Variants in SH3RF3 observed in about 807,000 individuals in gnomAD.
SH3RF3 encodes the protein E3 ubiquitin-protein ligase SH3RF3.
Under a neutral mutation model 66.3 loss-of-function variants are expected in SH3RF3, and 29 were observed. The observed-to-expected ratio is 0.44, with a 90% CI of 0.33 to 0.60. SH3RF3 has a LOEUF of 0.60. SH3RF3 is among the 20% of genes least tolerant of loss of function. The probability of loss-of-function intolerance (pLI) is 0.04; values close to 1 mark genes in which losing one functional copy is unlikely to be tolerated. For missense variants in SH3RF3, 1,194 were observed against 1,190.9 expected, an observed-to-expected ratio of 1.00 and a Z score of -0.04; for synonymous variants, 583 against 532.0, an observed-to-expected ratio of 1.10 and a Z score of -1.32.
chr2:109,230,496 C>T lies in SH3RF3; in HGVS notation c.573+100383C>T, dbSNP rs778706285. 2.6e-4 allele frequency among the ~76,000 whole-genome samples: 39 copies of T among 152,236 alleles called. No homozygotes were observed. In the Middle Eastern group the frequency reaches 0.01, roughly 40 times the overall value. ...TCGGGGGGCTGAGGCAGGAGAATTG[C>T]TTGAACCTAGTAGGTAGAGGTTGAA... On this transcript the variant is annotated intron_variant, in intron 1 of 9. Coordinates refer to ENST00000309415, the MANE Select transcript of SH3RF3 (RefSeq NM_001099289.3).
intron 1 of SH3RF3, among the ~76,000 whole-genome samples, chr2:109,330,437 C>T (rs1415487146): frequency 2.0e-5 from 3 of 151,914 alleles, no homozygotes; most frequent in Admixed American, 6.6e-5. Flanking sequence ...CATGTATATT[C>T]GATACATTAT....
intron 1 of SH3RF3, among the ~76,000 whole-genome samples, chr2:109,276,418 C>A (rs1291657733): frequency 2.0e-5 from 3 of 152,148 alleles, no homozygotes; most frequent in East Asian, 3.8e-4. Flanking sequence ...TCAGTCCAGG[C>A]CCGTCTGAAG....
chr2:109,267,153 T>C (rs1253787145), intron 1 of SH3RF3, among the ~76,000 whole-genome samples: 1 of 151,804 alleles, frequency 6.6e-6, no homozygotes, highest in African/African-American at 2.4e-5. Flanking sequence ...AGGATGGGAG[T>C]TGCTTCCGAT....
chr2:109,344,714 G>A (rs1392168882), intron 1 of SH3RF3, among the ~76,000 whole-genome samples: 2 of 152,176 alleles, frequency 1.3e-5, no homozygotes, highest in Non-Finnish European at 2.9e-5. Context: ...CTCAGAAGTG[G>A]AGTTGGCAGG....
At chr2:109,419,514 C>T (rs538600604) in intron 4 of SH3RF3, 25 bp from the exon 5 acceptor site, 2 of 1,569,358 alleles carry the variant, frequency 1.3e-6, no homozygotes, top group East Asian at 4.7e-5. Flanking sequence ...TCTCCTCACT[C>T]CTGTCCCCTC....
intron 1 of SH3RF3, among the ~76,000 whole-genome samples, chr2:109,330,432 A>G (rs1409260061): frequency 6.6e-6 from 1 of 151,958 alleles, no homozygotes; most frequent in Non-Finnish European, 1.5e-5. Context: ...TTAGTCATGT[A>G]TATTCGATAC....
chr2:109,308,863 C>T (rs1467819517), intron 1 of SH3RF3, among the ~76,000 whole-genome samples: 1 of 70,958 alleles, frequency 1.4e-5, no homozygotes, highest in African/African-American at 1.2e-4. Context: ...AGTGTGATGC[C>T]TCCAGCTTTG....
intron 1 of SH3RF3, among the ~76,000 whole-genome samples, chr2:109,201,247 A>G (rs1335392480): frequency 6.6e-6 from 1 of 152,194 alleles, no homozygotes; most frequent in African/African-American, 2.4e-5. Flanking sequence ...TCATTTTGCA[A>G]AGTGAAAATT....
At chr2:109,250,917 T>G (rs1314909243) in intron 1 of SH3RF3, among the ~76,000 whole-genome samples, 1 of 152,104 alleles carries the variant, frequency 6.6e-6, no homozygotes, top group African/African-American at 2.4e-5. Context: ...TTTTAAAAAT[T>G]ATCTTTTTAA....
chr2:109,297,971 G>C (rs1359931945), intron 1 of SH3RF3, among the ~76,000 whole-genome samples: 1 of 152,156 alleles, frequency 6.6e-6, no homozygotes, highest in East Asian at 1.9e-4. Flanking sequence ...AACCAGGCCA[G>C]TGCCCCAGGC....
intron 1 of SH3RF3, among the ~76,000 whole-genome samples, chr2:109,342,415 A>G (rs1682575023): frequency 6.6e-6 from 1 of 152,230 alleles, no homozygotes; most frequent in East Asian, 1.9e-4. Context: ...CGGAGCATCC[A>G]ACAGTGAGCA....
chr2:109,287,913 C>A (rs1259012383), intron 1 of SH3RF3, among the ~76,000 whole-genome samples: 3 of 152,244 alleles, frequency 2.0e-5, no homozygotes, highest in Non-Finnish European at 2.9e-5. Flanking sequence ...AAGTGTGCCA[C>A]CTCTCTACAT....
intron 1 of SH3RF3, among the ~76,000 whole-genome samples, chr2:109,235,847 C>A (rs1309723769): frequency 1.3e-5 from 2 of 152,226 alleles, no homozygotes; most frequent in African/African-American, 4.8e-5. Flanking sequence ...ACATGCTTGA[C>A]TGATAAAACC....
intron 1 of SH3RF3, among the ~76,000 whole-genome samples, chr2:109,236,304 G>A (rs962460898): frequency 6.6e-6 from 1 of 152,118 alleles, no homozygotes; most frequent in Non-Finnish European, 1.5e-5. Flanking sequence ...ATGCAGTGTC[G>A]GGGCAGGGGA....
intron 8 of SH3RF3, among the ~76,000 whole-genome samples, chr2:109,456,048 G>T (rs1678046184): frequency 6.6e-6 from 1 of 152,228 alleles, no homozygotes; most frequent in Non-Finnish European, 1.5e-5. Context: ...CTGTCATCAG[G>T]TGCAGCCACA....
chr2:109,473,205 A>G (rs1678573168), intron 8 of SH3RF3, among the ~76,000 whole-genome samples: 1 of 151,886 alleles, frequency 6.6e-6, no homozygotes, highest in African/African-American at 2.4e-5. Context: ...CTGCCTAGAC[A>G]TACGAGCGCC....
At chr2:109,147,450 C>G (rs1022397416) in intron 1 of SH3RF3, among the ~76,000 whole-genome samples, 1 of 152,180 alleles carries the variant, frequency 6.6e-6, no homozygotes, top group African/African-American at 2.4e-5. Flanking sequence ...AACATCATAT[C>G]TGTGCGTATT....
At chr2:109,175,843 T>A (rs566161506) in intron 1 of SH3RF3, among the ~76,000 whole-genome samples, 1 of 152,370 alleles carries the variant, frequency 6.6e-6, no homozygotes, top group African/African-American at 2.4e-5. Flanking sequence ...AATAGTTTTT[T>A]AAACATGTCT....
At chr2:109,150,581 G>A (rs1677205502) in intron 1 of SH3RF3, among the ~76,000 whole-genome samples, 1 of 152,176 alleles carries the variant, frequency 6.6e-6, no homozygotes, top group Admixed American at 6.5e-5. Flanking sequence ...TGTGCAGACG[G>A]GGAAAGTGAG....
Sources: gnomAD v4.1 joint callset for allele counts (sites outside exome capture counted in the v4.1 genomes callset) on GRCh38, gnomAD v4.1.1 for gene constraint, MANE v1.5 for transcripts, NCBI Gene and HGNC (gene_info 2026-07-23, HGNC 2026-07-21) for gene names.